Variants in ALDH9A1 observed in about 807,000 individuals in gnomAD.
ALDH9A1 encodes the protein aldehyde dehydrogenase 9 family member A1.
A neutral mutation model predicts 56.6 loss-of-function variants in ALDH9A1; 42 were observed. The ratio of observed to expected loss-of-function variants is 0.74; its 90% CI spans 0.58 to 0.96. The LOEUF (loss-of-function observed/expected upper bound fraction) is 0.96, where lower values mean the gene tolerates loss of function less well. Ranked by LOEUF, ALDH9A1 falls within the 40% of genes least tolerant of loss-of-function variation. ALDH9A1 has a pLI of 0.00. For synonymous variants in ALDH9A1, 242 were observed against 236.0 expected (o/e 1.03, Z -0.23); for missense variants, 661 against 651.5 (o/e 1.01, Z -0.16).
chr1:165,682,927 C>A (rs1649595067), intron 3 of ALDH9A1, 54 bp downstream of exon 3: 3 of 1,590,094 alleles, frequency 1.9e-6, no homozygotes, highest in Non-Finnish European at 2.6e-6. Flanking sequence ...CACCACTAGG[C>A]CCTGCTCTTC....
intron 6 of ALDH9A1, among the ~76,000 whole-genome samples, chr1:165,674,315 TAAAA>T (rs56088658): frequency 6.9e-5 from 4 of 58,090 alleles, no homozygotes; most frequent in African/African-American, 1.2e-4. Context: ...TTCCTTTCAC[TAAAA>T]AAAAAAAAAA....
intron 2 of ALDH9A1, among the ~76,000 whole-genome samples, chr1:165,690,653 C>T (rs1313300615): frequency 1.3e-5 from 2 of 152,148 alleles, no homozygotes; most frequent in African/African-American, 4.8e-5. Context: ...CGGGACACTC[C>T]CACCCTAATA....
intron 6 of ALDH9A1, among the ~76,000 whole-genome samples, chr1:165,677,389 T>C (rs1270074272): frequency 6.6e-6 from 1 of 151,888 alleles, no homozygotes; most frequent in Admixed American, 6.6e-5. Flanking sequence ...TAAACAATAA[T>C]GGAACCAGGC....
At chr1:165,684,082 G>A (rs1649636345) in intron 2 of ALDH9A1, among the ~76,000 whole-genome samples, 1 of 152,134 alleles carries the variant, frequency 6.6e-6, no homozygotes, top group Non-Finnish European at 1.5e-5. Context: ...ACAGTACAAA[G>A]CTCAGAAAAG....
chr1:165,667,237 T>C (rs1170179983), intron 9 of ALDH9A1, 72 bp downstream of exon 9: 1 of 1,575,414 alleles, frequency 6.3e-7, no homozygotes, highest in African/African-American at 1.4e-5. Flanking sequence ...GAGAATAGGA[T>C]CAATTAAATA....
Position 165,680,631 on chromosome 1 carries a change from T to A in ALDH9A1, c.645A>T (p.Leu215=), listed in dbSNP as rs189745059. Residue 215 remains leucine (L), a synonymous_variant, in exon 5 of 11, where the codon CTA becomes CTT. Coordinates refer to ENST00000354775, the MANE Select transcript of ALDH9A1 (RefSeq NM_000696.4). ...PSPFTPVSAL[L]LAEIYSEAGV... ...CAGCCTCACTGTAGATTTCAGCCAGTAGCAATGCAGAAACAGGTGTAAAGG... is the reference window on the plus strand; with the variant it reads ...CAGCCTCACTGTAGATTTCAGCCAGAAGCAATGCAGAAACAGGTGTAAAGG... 8 of 1,613,904 alleles carry A rather than the reference T, an allele frequency of 5.0e-6. No individual in the cohort carries two copies. The highest frequency in any genetic ancestry group is 6.8e-6 in the Non-Finnish European group (8 of 1,179,980).
chr1:165,680,937 G>A (rs1045401650), intron 4 of ALDH9A1, among the ~76,000 whole-genome samples: 1 of 152,224 alleles, frequency 6.6e-6, no homozygotes, highest in African/African-American at 2.4e-5. Context: ...CAGAATCATG[G>A]CGGGAGGTGA....
At chr1:165,676,491 G>T (rs540172473) in intron 6 of ALDH9A1, 2 of 277,106 alleles carry the variant, frequency 7.2e-6, no homozygotes, top group South Asian at 9.2e-5. Context: ...GGGAAAAACT[G>T]GAAGAGTCTA....
At chr1:165,672,915 C>T (rs948580874) in intron 6 of ALDH9A1, among the ~76,000 whole-genome samples, 1 of 147,778 alleles carries the variant, frequency 6.8e-6, no homozygotes, top group African/African-American at 2.5e-5. Context: ...CCAGCCTGAG[C>T]AACAGAGTAA....
chr1:165,669,051 A>T, intron 7 of ALDH9A1, 38 bp from the exon 8 acceptor site: 1 of 1,526,244 alleles, frequency 6.6e-7, no homozygotes, highest in Non-Finnish European at 8.9e-7. Flanking sequence ...TATTAAAAAT[A>T]TAACCCCAAA....
intron 2 of ALDH9A1, among the ~76,000 whole-genome samples, chr1:165,685,494 T>C (rs1317013079): frequency 6.6e-6 from 1 of 151,802 alleles, no homozygotes; most frequent in African/African-American, 2.4e-5. Flanking sequence ...AAGGAAAAAA[T>C]GGAGGGAGGG....
chr1:165,680,786 C>T (rs917353051), intron 4 of ALDH9A1, 103 bp from the exon 5 acceptor site: 3 of 1,101,770 alleles, frequency 2.7e-6, no homozygotes, highest in South Asian at 1.6e-5. Flanking sequence ...ATTGTTTCCT[C>T]TTCCCCAACC....
intron 6 of ALDH9A1, chr1:165,676,695 G>C: frequency 2.2e-6 from 1 of 449,266 alleles, no homozygotes; most frequent in South Asian, 1.9e-5. Context: ...TGAAGCACCA[G>C]CCTACTCCAC....
chr1:165,675,313 T>C (rs1649318626), intron 6 of ALDH9A1, among the ~76,000 whole-genome samples: 2 of 151,950 alleles, frequency 1.3e-5, no homozygotes, highest in African/African-American at 4.8e-5. Flanking sequence ...ATATTCTATA[T>C]ATTTATTCTA....
intron 3 of ALDH9A1, 23 bp from the exon 4 acceptor site, chr1:165,682,264 G>A: frequency 1.2e-6 from 2 of 1,610,988 alleles, no homozygotes; most frequent in South Asian, 2.2e-5. Context: ...CAGGAGTAAA[G>A]GAGGATGCAG....
At chr1:165,680,807 T>C (rs1218226318) in intron 4 of ALDH9A1, 124 bp from the exon 5 acceptor site, 8 of 904,426 alleles carry the variant, frequency 8.8e-6, no homozygotes, top group African/African-American at 3.4e-5. Flanking sequence ...AAATCCTACA[T>C]CAAAAATGTT....
chr1:165,665,559 G>A (rs1648981390), intron 9 of ALDH9A1, among the ~76,000 whole-genome samples: 1 of 152,000 alleles, frequency 6.6e-6, no homozygotes, highest in Non-Finnish European at 1.5e-5. Context: ...CGTGGGTCAG[G>A]GAAAGATTTC....
At chr1:165,684,346 T>C (rs1649644986) in intron 2 of ALDH9A1, among the ~76,000 whole-genome samples, 1 of 152,210 alleles carries the variant, frequency 6.6e-6, no homozygotes, top group African/African-American at 2.4e-5. Context: ...GAAAGGATAA[T>C]CTGTTCACAT....
intron 4 of ALDH9A1, among the ~76,000 whole-genome samples, chr1:165,680,964 T>G (rs1436770669): frequency 6.6e-6 from 1 of 152,096 alleles, no homozygotes; most frequent in Non-Finnish European, 1.5e-5. Flanking sequence ...CTTCTTACAT[T>G]GGCGGCAGGA....
Sources: allele counts gnomAD v4.1 joint callset (sites outside exome capture counted in the v4.1 genomes callset), GRCh38; gene constraint gnomAD v4.1.1; transcripts MANE v1.5; gene names NCBI Gene and HGNC (gene_info 2026-07-23, HGNC 2026-07-21).